DARS2: variants seen among roughly 807,000 people sequenced by gnomAD.
DARS2 encodes aspartate--tRNA ligase, mitochondrial.
In DARS2, 63 loss-of-function variants were observed where a neutral mutation model predicts 83.0. That is an observed-to-expected ratio of 0.76 (90% CI 0.62 to 0.94). The LOEUF is 0.94. Among genes scored for constraint, DARS2 ranks in the 40% least tolerant of loss-of-function variants. The pLI is 0.00. For missense variants in DARS2, 675 were observed against 774.4 expected (o/e 0.87, Z 1.52); for synonymous variants, 250 against 269.3 (o/e 0.93, Z 0.70).
At chr1:173,834,632 A>T in intron 7 of DARS2, 113 bp downstream of exon 7, 1 of 673,886 alleles carries the variant, frequency 1.5e-6, no homozygotes, top group Admixed American at 2.3e-5. Context: ...CAGGATGGTC[A>T]TATTAACTAG....
intron 11 of DARS2, among the ~76,000 whole-genome samples, chr1:173,841,188 A>G (rs1170994404): frequency 6.6e-6 from 1 of 152,156 alleles, no homozygotes; most frequent in Non-Finnish European, 1.5e-5. Flanking sequence ...CAGCCTGGCT[A>G]ACATGGTGAA....
chr1:173,829,807 G>T (rs904470670), intron 3 of DARS2, among the ~76,000 whole-genome samples: 15 of 152,276 alleles, frequency 9.9e-5, no homozygotes, highest in Non-Finnish European at 1.9e-4. Context: ...TACTCAGGAG[G>T]CTGAGGCAAA....
chr1:173,831,997 A>G (rs893329191), intron 5 of DARS2, among the ~76,000 whole-genome samples: 1 of 152,232 alleles, frequency 6.6e-6, no homozygotes, highest in Non-Finnish European at 1.5e-5. Context: ...TCCTGTATCT[A>G]TTAAGTGATA....
At chr1:173,855,818 T>C (rs567979827) in intron 15 of DARS2, among the ~76,000 whole-genome samples, 1 of 88,352 alleles carries the variant, frequency 1.1e-5, no homozygotes, top group Non-Finnish European at 1.9e-5. Flanking sequence ...ACGCCCAGCA[T>C]TTTTTTTTTT....
chr1:173,837,898 C>T (rs919012019), intron 8 of DARS2, among the ~76,000 whole-genome samples: 5 of 151,966 alleles, frequency 3.3e-5, no homozygotes, highest in African/African-American at 4.8e-5. Flanking sequence ...CCTTGCCTCC[C>T]GAGTAGCTGG....
Position 173,824,715 on chromosome 1 carries a change from C to G in DARS2, c.-515C>G. ...CAGCGGCGATCTGTGTTTGGGTTCG[C>G]GCTCTGGGAGAATTTTGGCTTTGCT... On this transcript the variant is annotated 5_prime_UTR_variant, in exon 1 of 17. Transcript: ENST00000649689. 1 of 179,808 alleles carries G rather than the reference C, an allele frequency of 5.6e-6. No individual in the cohort carries two copies. Among genetic ancestry groups the G allele is most frequent in the East Asian group, 1.5e-4 (1 of 6,526 alleles). 11.1% of individuals were successfully genotyped at this position (179,808 alleles called of 1,614,324 possible). A position where few individuals can be genotyped will look rare whatever the true frequency, so the allele number is the denominator to read the frequency against.
In DARS2 at chr1:173,857,481, A is replaced by C. The variant is rs201536531; in HGVS notation, c.1751-37A>C. On this transcript the variant is annotated intron_variant, in intron 16 of 16. Coordinates refer to ENST00000649689, the MANE Select transcript of DARS2 (RefSeq NM_018122.5). ...ACTAAGTTATTTCCAACATTAGATT[A>C]CATTTCTCATCTGTTATCTTTGTAT... is the stretch of plus-strand genomic sequence containing the variant. The C allele has an allele frequency of 3.8e-6, 6 of 1,587,334 alleles. No individual in the cohort carries two copies. The East Asian group carries it at 1.3e-4, about 35-fold the overall frequency.
chr1:173,828,240 T>C (rs1652659261), intron 2 of DARS2, 93 bp from the exon 3 acceptor site: 2 of 1,237,776 alleles, frequency 1.6e-6, no homozygotes, highest in Non-Finnish European at 2.3e-6. Context: ...AAAAATTGCA[T>C]GGATTTTTGT....
At chr1:173,826,257 T>C (rs1652555525) in intron 1 of DARS2, among the ~76,000 whole-genome samples, 1 of 152,060 alleles carries the variant, frequency 6.6e-6, no homozygotes, top group South Asian at 2.1e-4. Flanking sequence ...CACAGAATTA[T>C]AATAGTGTTT....
Position 173,831,576 on chromosome 1 carries a change from T to A in DARS2, c.438T>A (p.Ala146=). Residue 146 remains alanine (A), a synonymous_variant, in exon 5 of 17, where the codon GCT becomes GCA. Coordinates refer to ENST00000649689, the MANE Select transcript of DARS2 (RefSeq NM_018122.5). ...AGATTGAAATCAAAGTTAAAACAGC[T>A]GAGCTTCTGAATGCCTGCAAGAAGC... ...TGEIEIKVKT[A]ELLNACKKLP... The A allele has an allele frequency of 6.2e-7, 1 of 1,614,134 alleles. No individual in the cohort carries two copies.
At position 173,853,333 on chromosome 1, in the gene DARS2, C is replaced by A; in HGVS notation, c.1345-16C>A. On this transcript the variant is annotated splice_polypyrimidine_tract_variant and intron_variant, in intron 13 of 16. Coordinates refer to ENST00000649689, the MANE Select transcript of DARS2 (RefSeq NM_018122.5). ...TGTCAAGAAGTTAACTCAATGTTTA[C>A]GTCTTCTGTTTGCAGTGCTCTTTGT... 3 of 1,610,818 alleles carry A rather than the reference C, an allele frequency of 1.9e-6. No individual in the cohort carries two copies. The highest frequency in any genetic ancestry group is 1.3e-5 in the African/African-American group (1 of 74,962).
chr1:173,845,312 G>GT, intron 12 of DARS2, 21 bp downstream of exon 12: 10 of 1,561,968 alleles, frequency 6.4e-6, no homozygotes, highest in Non-Finnish European at 7.9e-6. Context: ...AATTAGAGCA[G>GT]TTTTTTTCCT....
chr1:173,829,423 A>C (rs1326453930), intron 3 of DARS2, among the ~76,000 whole-genome samples: 1 of 152,090 alleles, frequency 6.6e-6, no homozygotes, highest in Non-Finnish European at 1.5e-5. Context: ...TATTTAATTT[A>C]ATTACCATTG....
chr1:173,853,242 T>A, intron 13 of DARS2, 107 bp from the exon 14 acceptor site: 2 of 1,066,148 alleles, frequency 1.9e-6, no homozygotes, highest in Non-Finnish European at 2.9e-6. Flanking sequence ...ATCTGTTAAT[T>A]GGCTAATCCT....
rs749489579 is a variant in DARS2, at chr1:173,830,713, G to C, written c.348G>C (p.Val116=). ...ILCEAPVESV[V]QVSGTVISRP... ...GTGAAGCCCCTGTGGAATCTGTGGT[G>C]CAAGTGTCTGGTACAGTCATTTCCC... Residue 116 remains valine, a synonymous_variant, in exon 4 of 17, where the codon GTG becomes GTC. Coordinates refer to ENST00000649689, the MANE Select transcript of DARS2 (RefSeq NM_018122.5). The C allele has an allele frequency of 6.2e-7, 1 of 1,614,034 alleles. No homozygotes were observed.
chr1:173,855,908 G>C lies in DARS2; in HGVS notation c.1675-758G>C, dbSNP rs577044533. ...ACCCCCAATCTCAGGTGATCTGCCT[G>C]CATCGGCCTCCCAAAGTGCTGGGAT... is the stretch of plus-strand genomic sequence containing the variant. On this transcript the variant is annotated intron_variant, in intron 15 of 16. Coordinates refer to ENST00000649689, the MANE Select transcript of DARS2 (RefSeq NM_018122.5). Among the ~76,000 whole-genome samples, 7 of 151,268 alleles carry C rather than the reference G, an allele frequency of 4.6e-5. No individual in the cohort carries two copies. The South Asian group carries it at 1.3e-3, about 27-fold the overall frequency.
At chr1:173,838,816 G>C (rs1347874909) in intron 9 of DARS2, among the ~76,000 whole-genome samples, 1 of 151,948 alleles carries the variant, frequency 6.6e-6, no homozygotes, top group Non-Finnish European at 1.5e-5. Flanking sequence ...GCTCATTGCT[G>C]CCTCTGCCTC....
In DARS2 at chr1:173,840,877, C is replaced by A; in HGVS notation, c.1032C>A (p.Ile344=). 1 of 1,593,072 alleles carries A rather than the reference C, an allele frequency of 6.3e-7. No homozygotes were observed. Among genetic ancestry groups the A allele is most frequent in the Non-Finnish European group, 8.6e-7 (1 of 1,161,072 alleles). The part of the protein sequence containing the change: ...DTRFGMKIID[I]SDVFRNTEIG... ...TACCCATTTTCCAGATTATAGATAT[C>A]AGTGATGTGTTTAGAAACACAGAGA... The change falls in exon 11 of 17, where the codon ATC becomes ATA. Residue 344 remains isoleucine, a synonymous_variant. Coordinates refer to ENST00000649689, the MANE Select transcript of DARS2 (RefSeq NM_018122.5).
rs56737036 is a variant in DARS2 at position 173,855,461 on chromosome 1, G to GTGTT, written c.1675-1190_1675-1187dup. ...CCTCCAATCACCCATTGGGTTTTGT[G>GTGTT]TGTTTGTTTGTTTGTTTGATTTTAA... On this transcript the variant is annotated intron_variant, in intron 15 of 16. Transcript: ENST00000649689. Among the ~76,000 whole-genome samples the GTGTT allele has an allele frequency of 2.7e-4, 41 of 151,884 alleles. No individual in the cohort carries two copies. In the South Asian group the frequency reaches 3.3e-3, roughly 12 times the overall value.
Sources: allele counts gnomAD v4.1 joint callset (sites outside exome capture counted in the v4.1 genomes callset), GRCh38; gene constraint gnomAD v4.1.1; transcripts MANE v1.5; gene names NCBI Gene and HGNC (gene_info 2026-07-23, HGNC 2026-07-21).